The following PATJ variants were observed in gnomAD, a reference collection of about 807,000 sequenced individuals.
PATJ encodes the protein PATJ crumbs cell polarity complex component, also known as inaD-like protein.
A neutral mutation model predicts 224.9 loss-of-function variants in PATJ; 190 were observed. That is an observed-to-expected ratio of 0.84 (90% confidence interval 0.75 to 0.95). PATJ has a LOEUF of 0.95. Ranked by LOEUF, PATJ falls within the 40% of genes least tolerant of loss-of-function variation. The probability of loss-of-function intolerance (pLI) is 0.00; values close to 1 mark genes in which losing one functional copy is unlikely to be tolerated. For missense variants in PATJ, 2,121 were observed against 2,270.3 expected (o/e 0.93, Z 1.34); for synonymous variants, 769 against 820.3 (o/e 0.94, Z 1.07).
chr1:61,883,662 G>A (rs1668394938), intron 21 of PATJ, among the ~76,000 whole-genome samples: 1 of 151,162 alleles, frequency 6.6e-6, no homozygotes, highest in Admixed American at 6.6e-5. Flanking sequence ...GGCTGGGGCA[G>A]GGAGAACTGT....
chr1:61,813,245 CAGA>C (rs1295390817), intron 14 of PATJ, among the ~76,000 whole-genome samples: 2 of 150,356 alleles, frequency 1.3e-5, no homozygotes, highest in African/African-American at 2.5e-5. Flanking sequence ...TTTCTCCAGG[CAGA>C]AGATGTTCTT....
intron 31 of PATJ, among the ~76,000 whole-genome samples, chr1:62,059,225 GA>G (rs549872969): frequency 0.011 from 1,748 of 152,070 alleles, 13 homozygotes; most frequent in Middle Eastern, 0.044. Flanking sequence ...TGTGGACCAG[GA>G]AAAAAGGACT....
At position 61,775,345 on chromosome 1, in the gene PATJ, C is replaced by A. The variant is rs560127870; in HGVS notation, c.849+11C>A. The stretch of plus-strand genomic sequence containing the variant: ...GGATTAGCAGATCGAGTAAGTCAAC[C>A]TTCCTTGTTATCATTTTGGTTTTAT... On this transcript the variant is annotated intron_variant, in intron 7 of 43. Coordinates refer to ENST00000642238, the MANE Select transcript of PATJ (RefSeq NM_001350145.3). 7.5e-6 allele frequency: 12 copies of A among 1,597,342 alleles called. No homozygotes were observed. In the African/African-American group the frequency reaches 1.2e-4, roughly 16 times the overall value.
At chr1:62,023,849 C>G (rs1647259103) in intron 29 of PATJ, among the ~76,000 whole-genome samples, 1 of 152,128 alleles carries the variant, frequency 6.6e-6, no homozygotes, top group Non-Finnish European at 1.5e-5. Context: ...AGAGATGGCT[C>G]TTATCATTTT....
intron 24 of PATJ, among the ~76,000 whole-genome samples, chr1:61,904,293 A>T (rs1485232501): frequency 6.6e-6 from 1 of 152,222 alleles, no homozygotes; most frequent in Admixed American, 6.5e-5. Context: ...TGAAATCATC[A>T]TAAATTTATA....
rs138441484 is a variant in PATJ at position 62,075,735 on chromosome 1, G to T, written c.4126-3715G>T. ...AGATCTAGACCATTCTCACTAACAC[G>T]GTGAAACCCCGTCTCTACTAAAAAT... On this transcript the variant is annotated intron_variant, in intron 31 of 43. Coordinates refer to ENST00000642238, the MANE Select transcript of PATJ (RefSeq NM_001350145.3). 8.8e-3 allele frequency among the ~76,000 whole-genome samples: 1,340 copies of T among 152,044 alleles called. 18 individuals are homozygous for T. Among genetic ancestry groups the T allele is most frequent in the African/African-American group, 0.031 (1,273 of 41,474 alleles).
intron 17 of PATJ, among the ~76,000 whole-genome samples, chr1:61,852,205 G>A (rs1339777896): frequency 6.6e-6 from 1 of 151,142 alleles, no homozygotes; most frequent in Non-Finnish European, 1.5e-5. Context: ...CACTGTTACA[G>A]TGTGTATAAT....
chr1:61,861,371 G>A (rs12141534), intron 18 of PATJ, among the ~76,000 whole-genome samples, 180 bp from the exon 19 acceptor site: 1 of 141,980 alleles, frequency 7.0e-6, no homozygotes. Flanking sequence ...TACATGTGCA[G>A]AATGTTCAGG....
intron 7 of PATJ, among the ~76,000 whole-genome samples, chr1:61,783,377 A>C (rs1393358386): frequency 6.7e-6 from 1 of 149,230 alleles, no homozygotes; most frequent in Non-Finnish European, 1.5e-5. Context: ...TCATTGTCTG[A>C]GTTGTGGAAG....
At chr1:61,754,520 G>GTTTTTTTTTTTTTTT (rs548557219) in intron 1 of PATJ, among the ~76,000 whole-genome samples, 2 of 94,446 alleles carry the variant, frequency 2.1e-5, no homozygotes, top group Non-Finnish European at 2.1e-5. Flanking sequence ...TTTTTTGCAT[G>GTTTTTTTTTTTTTTT]TTTTTTTTTT....
rs2482876 is a variant in PATJ at position 61,949,758 on chromosome 1, T to C, written c.3670+21929T>C. On this transcript the variant is annotated intron_variant, in intron 27 of 43. Transcript: ENST00000642238. The stretch of plus-strand genomic sequence containing the variant: ...CCTGTCTTTTTACAAATACAAAAAT[T>C]AGTCAGGTATGGGGGCATATGCCTG... Among the ~76,000 whole-genome samples, 535 of 151,280 alleles carry C rather than the reference T, an allele frequency of 3.5e-3. 4 individuals are homozygous for C. The highest frequency in any genetic ancestry group is 0.012 in the African/African-American group (503 of 41,126).
intron 12 of PATJ, among the ~76,000 whole-genome samples, chr1:61,802,077 C>T (rs933444836): frequency 1.6e-4 from 24 of 152,048 alleles, no homozygotes; most frequent in African/African-American, 5.8e-4. Context: ...CTAATGTTCT[C>T]CCTCACCACT....
At chr1:61,742,638 T>A (rs1447352852) in intron 1 of PATJ, 83 bp downstream of exon 1, 1 of 151,710 alleles carries the variant, frequency 6.6e-6, no homozygotes, top group African/African-American at 2.4e-5. Context: ...GGCAGCTCCC[T>A]CGGGGCTTCC....
chr1:61,774,362 C>T (rs1427071153), intron 6 of PATJ, among the ~76,000 whole-genome samples: 1 of 152,098 alleles, frequency 6.6e-6, no homozygotes, highest in Admixed American at 6.6e-5. Flanking sequence ...TATTGTTCTG[C>T]AGGTGGATTA....
chr1:61,814,519 A>AGTGTGTGTGTGTGTGTGTGTGT (rs67159092), intron 14 of PATJ, among the ~76,000 whole-genome samples: 1 of 143,980 alleles, frequency 6.9e-6, no homozygotes, highest in African/African-American at 2.6e-5. Flanking sequence ...CCTTTTGTTT[A>AGTGTGTGTGTGTGTGTGTGTGT]GTGTGTGTGT....
At position 62,085,301 on chromosome 1, in the gene PATJ, G is replaced by A. The variant is rs1386488913; in HGVS notation, c.4377+653G>A. Among the ~76,000 whole-genome samples, 14 of 151,690 alleles carry A rather than the reference G, an allele frequency of 9.2e-5. 1 individual carries two copies. Among genetic ancestry groups the A allele is most frequent in the South Asian group, 8.4e-4 (4 of 4,788 alleles). ...CAGGAGGTCGAGGCTGTAGTGAACC[G>A]TGATCATGCCACTGCACGCCAGCCT... is the stretch of plus-strand genomic sequence containing the variant. On this transcript the variant is annotated intron_variant, in intron 33 of 43. Coordinates refer to ENST00000642238, the MANE Select transcript of PATJ (RefSeq NM_001350145.3).
At chr1:62,050,094 C>T (rs961657480) in intron 30 of PATJ, among the ~76,000 whole-genome samples, 1 of 128,236 alleles carries the variant, frequency 7.8e-6, no homozygotes, top group East Asian at 2.1e-4. Flanking sequence ...GCAGCCTTGG[C>T]GATAGAGTGA....
chr1:61,744,409 C>G (rs1006457636), intron 1 of PATJ, among the ~76,000 whole-genome samples: 1 of 151,014 alleles, frequency 6.6e-6, no homozygotes, highest in East Asian at 2.0e-4. Context: ...CGATCTTTAT[C>G]TCAGACTTGC....
intron 20 of PATJ, among the ~76,000 whole-genome samples, chr1:61,867,600 C>G (rs1276248434): frequency 1.6e-5 from 2 of 129,006 alleles, no homozygotes; most frequent in Non-Finnish European, 3.2e-5. Flanking sequence ...TTTGCCAATT[C>G]TCACGTAGGC....
Sources: allele counts gnomAD v4.1 joint callset (sites outside exome capture counted in the v4.1 genomes callset), GRCh38; gene constraint gnomAD v4.1.1; transcripts MANE v1.5; gene names NCBI Gene and HGNC (gene_info 2026-07-23, HGNC 2026-07-21).